The following BAALC variants were observed in gnomAD, a reference collection of about 807,000 sequenced individuals.
BAALC encodes the protein brain and acute leukemia cytoplasmic protein.
In BAALC, 9 loss-of-function variants were observed where a neutral mutation model predicts 15.5. The ratio of observed to expected loss-of-function variants is 0.58; its 90% confidence interval spans 0.35 to 1.02. BAALC has a LOEUF of 1.02. Among genes scored for constraint, BAALC ranks in the 50% least tolerant of loss-of-function variants. BAALC has a pLI of 0.02. For synonymous variants in BAALC, 80 were observed against 74.6 expected (o/e 1.07, Z -0.37); for missense variants, 201 against 192.4 (o/e 1.04, Z -0.27).
chr8:103,210,418 A>G (rs567734774), intron 1 of BAALC, among the ~76,000 whole-genome samples: 1 of 152,386 alleles, frequency 6.6e-6, no homozygotes, highest in South Asian at 2.1e-4. Context: ...AGTGGGTGAC[A>G]CACAGATAGG....
At chr8:103,191,085 G>C (rs1177092267) in intron 1 of BAALC, 1 of 152,644 alleles carries the variant, frequency 6.6e-6, no homozygotes, top group African/African-American at 2.4e-5. Context: ...TGTAGTCTCA[G>C]CTACCTGGGA....
intron 1 of BAALC, among the ~76,000 whole-genome samples, chr8:103,164,787 ATC>A (rs1447642948): frequency 6.6e-6 from 1 of 152,114 alleles, no homozygotes; most frequent in East Asian, 1.9e-4. Context: ...AGTGGAACGA[ATC>A]TCTGTTTTCC....
At chr8:103,159,621 T>C (rs905514556) in intron 1 of BAALC, among the ~76,000 whole-genome samples, 8 of 152,216 alleles carry the variant, frequency 5.3e-5, no homozygotes, top group African/African-American at 1.4e-4. Context: ...TGTATGTGTA[T>C]ACTCAGGGTT....
chr8:103,222,189 A>G (rs1812691163), intron 2 of BAALC, among the ~76,000 whole-genome samples: 1 of 152,178 alleles, frequency 6.6e-6, no homozygotes, highest in Admixed American at 6.5e-5. Flanking sequence ...GGCAGACTAT[A>G]GAGAGAGCAG....
chr8:103,151,019 A>ATT lies in BAALC; in HGVS notation c.160+9977_160+9978dup, dbSNP rs3041482. The stretch of plus-strand genomic sequence containing the variant: ...AATAGTTGCAATGTTAAAGAATTTG[A>ATT]TTTTTTTTTTTTTTTTGAGATGGAG... On this transcript the variant is annotated intron_variant, in intron 1 of 2. Coordinates refer to ENST00000309982, the MANE Select transcript of BAALC (RefSeq NM_024812.3). Among the ~76,000 whole-genome samples, 3 of 142,614 alleles carry ATT rather than the reference A, an allele frequency of 2.1e-5. No individual in the cohort carries two copies. In the South Asian group the frequency reaches 6.7e-4, roughly 32 times the overall value. 93.6% of individuals were successfully genotyped at this position (142,614 alleles called of 152,430 possible). A position where few individuals can be genotyped will look rare whatever the true frequency, so the allele number is the denominator to read the frequency against.
intron 1 of BAALC, among the ~76,000 whole-genome samples, chr8:103,162,586 G>C (rs1027961684): frequency 1.3e-5 from 2 of 152,114 alleles, no homozygotes; most frequent in African/African-American, 2.4e-5. Flanking sequence ...AGTTAGCAAG[G>C]TAGAAGCTGC....
At position 103,150,925 on chromosome 8, in the gene BAALC, C is replaced by T. The variant is rs192278521; in HGVS notation, c.160+9868C>T. On this transcript the variant is annotated intron_variant, in intron 1 of 2. Coordinates refer to ENST00000309982, the MANE Select transcript of BAALC (RefSeq NM_024812.3). ...CAGCTTTTAACAAGGATCATGACCT[C>T]GGGTCCCTGGGCCTCAACCTGCTCT... 1.2e-3 allele frequency among the ~76,000 whole-genome samples: 188 copies of T among 152,260 alleles called. 3 individuals carry two copies. Among genetic ancestry groups the T allele is most frequent in the Admixed American group, 0.012 (178 of 15,292 alleles).
intron 1 of BAALC, among the ~76,000 whole-genome samples, chr8:103,150,940 C>T (rs1217258087): frequency 2.0e-5 from 3 of 152,156 alleles, no homozygotes; most frequent in African/African-American, 7.2e-5. Flanking sequence ...CCCTGGGCCT[C>T]AACCTGCTCT....
rs1812843243 is a variant in BAALC, at chr8:103,227,971, C to G, written c.328-18C>G. 1.3e-6 allele frequency: 2 copies of G among 1,559,106 alleles called. No individual in the cohort carries two copies. On this transcript the variant is annotated intron_variant, in intron 2 of 2. Coordinates refer to ENST00000309982, the MANE Select transcript of BAALC (RefSeq NM_024812.3). ...TTACATTTCCTAGTAACTCAATTCA[C>G]TGTTTTCAACTTAACAGGCTAAAAG...
intron 2 of BAALC, among the ~76,000 whole-genome samples, chr8:103,224,866 A>G (rs930769188): frequency 4.5e-4 from 69 of 152,346 alleles, no homozygotes; most frequent in African/African-American, 1.6e-3. Context: ...ACAGGGTTAA[A>G]TAAAACCCAT....
At position 103,229,811 on chromosome 8, in the gene BAALC, G is replaced by T. The variant is rs949192555; in HGVS notation, c.*1712G>T. On this transcript the variant is annotated 3_prime_UTR_variant, in exon 3 of 3. Coordinates refer to ENST00000309982, the MANE Select transcript of BAALC (RefSeq NM_024812.3). ...TCATTTTGTGATTCTTTGAGAAAGG[G>T]CTTTTAGGAACTTTATGTTCTAAAA... 3.9e-5 allele frequency: 6 copies of T among 152,112 alleles called. No individual in the cohort carries two copies. The highest frequency in any genetic ancestry group is 8.8e-5 in the Non-Finnish European group (6 of 68,032). The allele number at this position is 152,112 out of a possible 1,614,324, so 9.4% of individuals were successfully genotyped here.
rs140452983 is a variant in BAALC at position 103,172,423 on chromosome 8, G to A, written c.160+31366G>A. Among the ~76,000 whole-genome samples, 6 of 132,584 alleles carry A rather than the reference G, an allele frequency of 4.5e-5. No homozygotes were observed. The East Asian group carries it at 1.4e-3, about 31-fold the overall frequency. The allele number at this position is 132,584 out of a possible 152,430, so 87.0% of individuals were successfully genotyped here. A position where few individuals can be genotyped will look rare whatever the true frequency, so the allele number is the denominator to read the frequency against. On this transcript the variant is annotated intron_variant, in intron 1 of 2. Coordinates refer to ENST00000309982, the MANE Select transcript of BAALC (RefSeq NM_024812.3). ...TTTTTTTTTTTTTTTTTGAGACAGA[G>A]TCTCGCTCTATTGCCCAGGCTGGAG...
At chr8:103,161,044 A>G (rs1029867103) in intron 1 of BAALC, among the ~76,000 whole-genome samples, 4 of 152,196 alleles carry the variant, frequency 2.6e-5, no homozygotes, top group African/African-American at 9.6e-5. Context: ...TAAGCCATCA[A>G]CTTGCTAGAC....
At chr8:103,151,221 G>A (rs1033170181) in intron 1 of BAALC, among the ~76,000 whole-genome samples, 1 of 152,022 alleles carries the variant, frequency 6.6e-6, no homozygotes, top group Non-Finnish European at 1.5e-5. Context: ...GTTTCACAGT[G>A]TTAGCCAGGG....
chr8:103,169,018 C>T (rs887347149), intron 1 of BAALC, among the ~76,000 whole-genome samples: 3 of 151,902 alleles, frequency 2.0e-5, no homozygotes, highest in African/African-American at 4.8e-5. Flanking sequence ...GAGATTTGTC[C>T]GTTCCTCCTG....
At chr8:103,224,655 T>C (rs1340453266) in intron 2 of BAALC, among the ~76,000 whole-genome samples, 2 of 151,982 alleles carry the variant, frequency 1.3e-5, no homozygotes, top group Non-Finnish European at 1.5e-5. Flanking sequence ...TAGCTCTTAG[T>C]TGACTATCAC....
intron 1 of BAALC, among the ~76,000 whole-genome samples, chr8:103,168,908 T>C (rs1371239411): frequency 6.6e-6 from 1 of 152,188 alleles, no homozygotes; most frequent in African/African-American, 2.4e-5. Flanking sequence ...GCCTTCTACA[T>C]TTAATCGATA....
rs1586439597 is a variant in BAALC, at chr8:103,217,039, G to A, written c.327+3954G>A. Among the ~76,000 whole-genome samples, 3 of 152,198 alleles carry A rather than the reference G, an allele frequency of 2.0e-5. No individual in the cohort carries two copies. The South Asian group carries it at 6.2e-4, about 31-fold the overall frequency. On this transcript the variant is annotated intron_variant, in intron 2 of 2. Coordinates refer to ENST00000309982, the MANE Select transcript of BAALC (RefSeq NM_024812.3). ...CCCCCGTAGGGCTTCAGCAGCAGTG[G>A]AAACTGTCACAGAGGAGTGATGACC...
intron 1 of BAALC, among the ~76,000 whole-genome samples, chr8:103,151,592 C>A (rs1810990331): frequency 2.0e-5 from 3 of 152,142 alleles, no homozygotes; most frequent in Admixed American, 6.5e-5. Flanking sequence ...AGCTGCCCAG[C>A]ATTTCTGGAA....
Sources: gnomAD v4.1 joint callset for allele counts (sites outside exome capture counted in the v4.1 genomes callset) on GRCh38, gnomAD v4.1.1 for gene constraint, MANE v1.5 for transcripts, NCBI Gene and HGNC (gene_info 2026-07-23, HGNC 2026-07-21) for gene names.